CNTNAP2: variants seen among roughly 807,000 people sequenced by gnomAD.
The protein encoded by CNTNAP2 is contactin associated protein 2.
CNTNAP2 carries 98 observed loss-of-function variants against 155.2 expected under a neutral mutation model. The observed-to-expected ratio is 0.63, with a 90% confidence interval of 0.54 to 0.75. The LOEUF is 0.75. Ranked by LOEUF, CNTNAP2 falls within the 30% of genes least tolerant of loss-of-function variation. CNTNAP2 has a pLI of 0.00. For missense variants in CNTNAP2, 1,727 were observed against 1,688.1 expected (o/e 1.02, Z -0.40); for synonymous variants, 651 against 631.2 (o/e 1.03, Z -0.47).
At chr7:146,695,160 C>G (rs965219691) in intron 1 of CNTNAP2, among the ~76,000 whole-genome samples, 1 of 152,070 alleles carries the variant, frequency 6.6e-6, no homozygotes, top group Non-Finnish European at 1.5e-5. Context: ...GTCTTGTTCT[C>G]TCTCTTAGGG....
At chr7:147,250,207 T>C (rs1039035217) in intron 8 of CNTNAP2, among the ~76,000 whole-genome samples, 1 of 152,098 alleles carries the variant, frequency 6.6e-6, no homozygotes, top group African/African-American at 2.4e-5. Flanking sequence ...GATATGTTAA[T>C]AGATGTTAGG....
At chr7:146,426,212 T>TAAAAAAAAAAAAAAAAAAAAAA (rs1554431713) in intron 1 of CNTNAP2, among the ~76,000 whole-genome samples, 21 of 113,246 alleles carry the variant, frequency 1.9e-4, no homozygotes, top group African/African-American at 7.6e-4. Context: ...AAAAAAAAAT[T>TAAAAAAAAAAAAAAAAAAAAAA]AAAACTTAAG....
chr7:146,149,880 A>G (rs1013947554), intron 1 of CNTNAP2, among the ~76,000 whole-genome samples: 8 of 127,370 alleles, frequency 6.3e-5, no homozygotes, highest in African/African-American at 1.4e-4. Context: ...AGCCACAAAG[A>G]AAAAAAAAAA....
intron 15 of CNTNAP2, among the ~76,000 whole-genome samples, chr7:148,021,937 C>T (rs536748893): frequency 1.6e-4 from 25 of 152,264 alleles, no homozygotes; most frequent in African/African-American, 5.8e-4. Context: ...GGCACTACTT[C>T]GCTGCCTCCG....
Position 146,694,459 on chromosome 7 carries a change from G to A in CNTNAP2, c.98-79812G>A, listed in dbSNP as rs147452842. On this transcript the variant is annotated intron_variant, in intron 1 of 23. Coordinates refer to ENST00000361727, the MANE Select transcript of CNTNAP2 (RefSeq NM_014141.6). ...GGACTGTCTATTCTGTTACATTGAT[G>A]TATTTGCCTATTCTTTCAATGATGC... Among the ~76,000 whole-genome samples, 1,462 of 152,196 alleles carry A rather than the reference G, an allele frequency of 9.6e-3. 25 individuals carry two copies. The highest frequency in any genetic ancestry group is 0.033 in the African/African-American group (1,355 of 41,540).
At chr7:147,456,350 A>G (rs1282467572) in intron 10 of CNTNAP2, among the ~76,000 whole-genome samples, 2 of 152,208 alleles carry the variant, frequency 1.3e-5, no homozygotes, top group Non-Finnish European at 2.9e-5. Context: ...GAAAAGTATC[A>G]ATGAAACAAC....
chr7:147,096,662 C>G (rs540355275), intron 4 of CNTNAP2, among the ~76,000 whole-genome samples: 1 of 152,296 alleles, frequency 6.6e-6, no homozygotes, highest in African/African-American at 2.4e-5. Flanking sequence ...ATTTTAGAAG[C>G]TACAAATCAT....
chr7:147,015,575 G>A (rs1270091593), intron 3 of CNTNAP2, among the ~76,000 whole-genome samples: 2 of 151,940 alleles, frequency 1.3e-5, no homozygotes, highest in African/African-American at 2.4e-5. Flanking sequence ...GAGATGCTGT[G>A]GTAATGAGCA....
chr7:147,136,330 T>G (rs1801477880), intron 8 of CNTNAP2, among the ~76,000 whole-genome samples: 1 of 152,052 alleles, frequency 6.6e-6, no homozygotes, highest in Non-Finnish European at 1.5e-5. Context: ...GGAACATCCT[T>G]GTTTTGTTAA....
intron 1 of CNTNAP2, among the ~76,000 whole-genome samples, chr7:146,509,306 C>T (rs1224289902): frequency 6.6e-6 from 1 of 152,184 alleles, no homozygotes; most frequent in African/African-American, 2.4e-5. Flanking sequence ...TAACCACTTG[C>T]TCACCTGCAA....
intron 3 of CNTNAP2, among the ~76,000 whole-genome samples, chr7:147,040,978 C>T (rs917989078): frequency 2.0e-5 from 3 of 152,116 alleles, no homozygotes; most frequent in African/African-American, 7.2e-5. Flanking sequence ...TTTGAAATAT[C>T]AAATCTGTCT....
At chr7:147,553,650 G>A (rs181203344) in intron 11 of CNTNAP2, among the ~76,000 whole-genome samples, 15 of 152,248 alleles carry the variant, frequency 9.9e-5, no homozygotes, top group Admixed American at 7.9e-4. Flanking sequence ...AAGGTATAGT[G>A]TTAGATACTA....
At chr7:148,099,546 C>T (rs940922267) in intron 15 of CNTNAP2, among the ~76,000 whole-genome samples, 6 of 151,326 alleles carry the variant, frequency 4.0e-5, no homozygotes, top group African/African-American at 1.5e-4. Flanking sequence ...ACTTACTCTT[C>T]CTCAGTATAA....
chr7:147,274,927 G>A (rs889091716), intron 8 of CNTNAP2, among the ~76,000 whole-genome samples: 1 of 151,916 alleles, frequency 6.6e-6, no homozygotes, highest in Non-Finnish European at 1.5e-5. Flanking sequence ...TGAATAGGAT[G>A]TCCTTTTCCC....
intron 1 of CNTNAP2, among the ~76,000 whole-genome samples, chr7:146,482,998 C>T (rs764410413): frequency 2.7e-5 from 4 of 150,226 alleles, no homozygotes; most frequent in East Asian, 2.0e-4. Context: ...TTTTTAAGGC[C>T]GGGTGCGGTG....
At chr7:147,778,844 C>T (rs896486000) in intron 13 of CNTNAP2, among the ~76,000 whole-genome samples, 4 of 152,106 alleles carry the variant, frequency 2.6e-5, no homozygotes, top group Non-Finnish European at 5.9e-5. Flanking sequence ...ATCAAAGGAG[C>T]TGCTATATCT....
intron 1 of CNTNAP2, among the ~76,000 whole-genome samples, chr7:146,357,476 T>C (rs900003001): frequency 6.6e-6 from 1 of 152,164 alleles, no homozygotes; most frequent in African/African-American, 2.4e-5. Context: ...GTGTAGCTTA[T>C]AGATTACATC....
At chr7:146,794,471 CT>C (rs1802732513) in intron 2 of CNTNAP2, among the ~76,000 whole-genome samples, 1 of 152,112 alleles carries the variant, frequency 6.6e-6, no homozygotes, top group Non-Finnish European at 1.5e-5. Context: ...AATTATTTCT[CT>C]ACTGAAACAT....
intron 10 of CNTNAP2, among the ~76,000 whole-genome samples, chr7:147,437,216 T>A: frequency 6.6e-6 from 1 of 151,976 alleles, no homozygotes; most frequent in East Asian, 1.9e-4. Context: ...GATAATGAGG[T>A]GGAATGAAAT....
Sources: allele counts gnomAD v4.1 joint callset (sites outside exome capture counted in the v4.1 genomes callset), GRCh38; gene constraint gnomAD v4.1.1; transcripts MANE v1.5; gene names NCBI Gene and HGNC (gene_info 2026-07-23, HGNC 2026-07-21).